The following NEDD4 variants were observed in gnomAD, a reference collection of about 807,000 sequenced individuals.
NEDD4 encodes the protein NEDD4 E3 ubiquitin protein ligase.
In NEDD4, 99 loss-of-function variants were observed where a neutral mutation model predicts 144.9. That is an observed-to-expected ratio of 0.68 (90% CI 0.58 to 0.81). The LOEUF (loss-of-function observed/expected upper bound fraction) is 0.81, where lower values mean the gene tolerates loss of function less well. NEDD4 is among the 30% of genes least tolerant of loss of function. NEDD4 has a pLI of 0.00. For synonymous variants in NEDD4, 318 were observed against 350.6 expected, an observed-to-expected ratio of 0.91 and a Z score of 1.04; for missense variants, 985 against 1,065.9, an observed-to-expected ratio of 0.92 and a Z score of 1.06.
intron 5 of NEDD4, among the ~76,000 whole-genome samples, chr15:55,904,100 C>T (rs2036006858): frequency 6.6e-6 from 1 of 151,594 alleles, no homozygotes; most frequent in Non-Finnish European, 1.5e-5. Context: ...AGGCGGAGGT[C>T]ACAGAGAGCC....
rs150997820 is a variant in NEDD4 at position 55,862,554 on chromosome 15, T to C, written c.674+359A>G. Among the ~76,000 whole-genome samples the C allele has an allele frequency of 2.8e-4, 42 of 152,292 alleles. No individual in the cohort carries two copies. The East Asian group carries it at 7.5e-3, about 27-fold the overall frequency. On this transcript the variant is annotated intron_variant, in intron 9 of 28. Coordinates refer to ENST00000435532, the MANE Select transcript of NEDD4 (RefSeq NM_006154.4). ...TTTATATTTTAAAAATAGAGTACTA[T>C]AGAAATTAACATTTTATTACATTTT...
At chr15:55,983,109 T>A (rs2037830474) in intron 1 of NEDD4, among the ~76,000 whole-genome samples, 1 of 149,524 alleles carries the variant, frequency 6.7e-6, no homozygotes, top group Non-Finnish European at 1.5e-5. Flanking sequence ...GCAACAAGAG[T>A]GAAACTCCAT....
intron 21 of NEDD4, among the ~76,000 whole-genome samples, chr15:55,840,041 T>TATAA (rs1428035593): frequency 1.6e-3 from 112 of 70,446 alleles, no homozygotes; most frequent in African/African-American, 5.0e-3. Context: ...TATATATATA[T>TATAA]AACATTCATC....
intron 11 of NEDD4, 117 bp from the exon 12 acceptor site, chr15:55,856,313 T>C (rs1408912437): frequency 3.5e-6 from 3 of 862,046 alleles, no homozygotes; most frequent in African/African-American, 1.7e-5. Flanking sequence ...CTGGCTAGGA[T>C]GCAAATGTTG....
At chr15:55,955,193 T>C (rs1439883893) in intron 2 of NEDD4, among the ~76,000 whole-genome samples, 1 of 152,014 alleles carries the variant, frequency 6.6e-6, no homozygotes, top group Non-Finnish European at 1.5e-5. Context: ...GACTAATTGT[T>C]GTGTTTTTTT....
chr15:55,949,804 G>T (rs1230825989), intron 4 of NEDD4, among the ~76,000 whole-genome samples: 1 of 152,114 alleles, frequency 6.6e-6, no homozygotes, highest in Non-Finnish European at 1.5e-5. Context: ...CCTGTCATGG[G>T]GTGGGGGAAG....
chr15:55,940,809 A>G (rs2036989392), intron 4 of NEDD4, among the ~76,000 whole-genome samples: 1 of 152,092 alleles, frequency 6.6e-6, no homozygotes, highest in Admixed American at 6.6e-5. Context: ...GGCATGAGCC[A>G]CCATGCCAGG....
chr15:55,852,346 C>A, intron 13 of NEDD4, 78 bp downstream of exon 13: 2 of 1,449,450 alleles, frequency 1.4e-6, no homozygotes, highest in Non-Finnish European at 9.3e-7. Flanking sequence ...GTGTATCCTA[C>A]AAAGTGATGT....
intron 5 of NEDD4, among the ~76,000 whole-genome samples, chr15:55,886,757 CAAAA>C (rs35360356): frequency 2.6e-5 from 3 of 115,310 alleles, no homozygotes; most frequent in African/African-American, 3.3e-5. Context: ...GACTCCGTCT[CAAAA>C]AAAAAAAAAA....
At chr15:55,920,195 A>G (rs1189106706) in intron 5 of NEDD4, among the ~76,000 whole-genome samples, 3 of 151,026 alleles carry the variant, frequency 2.0e-5, no homozygotes, top group Non-Finnish European at 4.4e-5. Flanking sequence ...GGAAATATAT[A>G]TATTCATATA....
intron 2 of NEDD4, among the ~76,000 whole-genome samples, chr15:55,966,055 T>C (rs552546047): frequency 6.6e-6 from 1 of 152,270 alleles, no homozygotes; most frequent in East Asian, 1.9e-4. Flanking sequence ...TCAGACCAAT[T>C]CATAGTATCA....
At chr15:55,941,378 AT>A (rs1256918179) in intron 4 of NEDD4, among the ~76,000 whole-genome samples, 25 of 152,244 alleles carry the variant, frequency 1.6e-4, no homozygotes, top group Admixed American at 1.2e-3. Flanking sequence ...TTCATCCCAC[AT>A]TTGGTATGTT....
intron 9 of NEDD4, among the ~76,000 whole-genome samples, chr15:55,862,423 G>A (rs1403345835): frequency 2.6e-5 from 4 of 152,086 alleles, no homozygotes; most frequent in African/African-American, 7.2e-5. Context: ...AAGTCATTCC[G>A]TCCTTGATCT....
At chr15:55,838,472 A>T in intron 22 of NEDD4, 37 bp downstream of exon 22, 1 of 1,394,246 alleles carries the variant, frequency 7.2e-7, no homozygotes, top group South Asian at 1.2e-5. Context: ...TTGTCTCACA[A>T]TTTATGTGCC....
chr15:55,850,274 A>G (rs1280250944), intron 14 of NEDD4, among the ~76,000 whole-genome samples: 1 of 152,222 alleles, frequency 6.6e-6, no homozygotes, highest in Non-Finnish European at 1.5e-5. Flanking sequence ...GATTATTCCT[A>G]TGTATCTTCT....
chr15:55,850,082 G>A (rs1372473148), intron 14 of NEDD4, among the ~76,000 whole-genome samples: 1 of 152,188 alleles, frequency 6.6e-6, no homozygotes, highest in Admixed American at 6.5e-5. Flanking sequence ...ACAGGCATGA[G>A]CCACTGCACC....
rs574222209 is a variant in NEDD4 at position 55,981,794 on chromosome 15, A to C, written c.45+11717T>G. 1.1e-4 allele frequency among the ~76,000 whole-genome samples: 16 copies of C among 152,300 alleles called. No individual in the cohort carries two copies. The East Asian group carries it at 3.1e-3, about 29-fold the overall frequency. The stretch of plus-strand genomic sequence containing the variant: ...ACTGTGGGGTAGTCTGTATTTTAAC[A>C]ACTCTTCAGATGATTCAGATGGACA... On this transcript the variant is annotated intron_variant, in intron 1 of 28. Coordinates refer to ENST00000435532, the MANE Select transcript of NEDD4 (RefSeq NM_006154.4).
chr15:55,916,055 T>A, intron 5 of NEDD4: 1 of 1,613,982 alleles, frequency 6.2e-7, no homozygotes, highest in Non-Finnish European at 8.5e-7. Context: ...AACGTTTTAG[T>A]GGAATTTTTG....
intron 5 of NEDD4, among the ~76,000 whole-genome samples, chr15:55,886,757 C>CAA (rs35360356): frequency 6.9e-5 from 8 of 115,302 alleles, no homozygotes; most frequent in Non-Finnish European, 5.5e-5. Context: ...GACTCCGTCT[C>CAA]AAAAAAAAAA....
Sources: allele counts gnomAD v4.1 joint callset (sites outside exome capture counted in the v4.1 genomes callset), GRCh38; gene constraint gnomAD v4.1.1; transcripts MANE v1.5; gene names NCBI Gene and HGNC (gene_info 2026-07-23, HGNC 2026-07-21).